The following DTD2 variants were observed in gnomAD, a reference collection of about 807,000 sequenced individuals.
DTD2 encodes D-aminoacyl-tRNA deacylase 2, also known as D-tyrosyl-tRNA deacylase 2 (putative).
Under a neutral mutation model 15.5 loss-of-function variants are expected in DTD2, and 12 were observed. The ratio of observed to expected loss-of-function variants is 0.77; its 90% CI spans 0.50 to 1.25. DTD2 has a LOEUF of 1.25. Among genes scored for constraint, DTD2 ranks in the 50% most tolerant of loss-of-function variants. The pLI is 0.00. For synonymous variants in DTD2, 59 were observed against 77.3 expected, an observed-to-expected ratio of 0.76 and a Z score of 1.24; for missense variants, 170 against 201.1, an observed-to-expected ratio of 0.85 and a Z score of 0.93.
In DTD2 at chr14:31,451,235, C is replaced by T. The variant is rs180797493; in HGVS notation, c.181+2040G>A. 2.5e-3 allele frequency among the ~76,000 whole-genome samples: 377 copies of T among 151,400 alleles called. 4 individuals are homozygous for T. Among genetic ancestry groups the T allele is most frequent in the East Asian group, 2.3e-3 (12 of 5,126 alleles). On this transcript the variant is annotated intron_variant, in intron 2 of 2. Coordinates refer to ENST00000310850, the MANE Select transcript of DTD2 (RefSeq NM_080664.3). ...TGATCTCGGCTCACTGCAAACTCCA[C>T]CTCCTGGGCTCATGCCATTCTCCTG...
chr14:31,449,519 G>A (rs1244024146), intron 2 of DTD2, among the ~76,000 whole-genome samples: 6 of 152,268 alleles, frequency 3.9e-5, no homozygotes, highest in African/African-American at 2.4e-5. Flanking sequence ...TGTAGCATTC[G>A]TGAGATTTCC....
intron 1 of DTD2, 177 bp downstream of exon 1, chr14:31,457,106 C>A: frequency 1.6e-6 from 1 of 606,528 alleles, no homozygotes; most frequent in East Asian, 3.0e-5. Flanking sequence ...TGATGCTGGA[C>A]CGAAAAGACA....
chr14:31,449,664 C>T (rs139772561), intron 2 of DTD2, among the ~76,000 whole-genome samples: 7 of 152,186 alleles, frequency 4.6e-5, no homozygotes, highest in African/African-American at 1.4e-4. Flanking sequence ...TATAAATAGA[C>T]CTAGGGTCTC....
rs1050453672 is a variant in DTD2, at chr14:31,446,723, C to T, written c.*1406G>A. ...AACATATAAATTTTGGGGACGGGAA[C>T]ATCTAGTCCAAAACATTCACTAACA... On this transcript the variant is annotated 3_prime_UTR_variant, in exon 3 of 3. Coordinates refer to ENST00000310850, the MANE Select transcript of DTD2 (RefSeq NM_080664.3). The T allele has an allele frequency of 1.3e-5, 2 of 152,188 alleles. No homozygotes were observed. The highest frequency in any genetic ancestry group is 4.8e-5 in the African/African-American group (2 of 41,448). The allele number at this position is 152,188 out of a possible 1,614,324, so 9.4% of individuals were successfully genotyped here.
intron 2 of DTD2, among the ~76,000 whole-genome samples, chr14:31,451,011 C>G (rs1427978401): frequency 6.6e-6 from 1 of 152,088 alleles, no homozygotes; most frequent in East Asian, 1.9e-4. Context: ...TTGAAGATTT[C>G]TACATTTTTT....
intron 1 of DTD2, among the ~76,000 whole-genome samples, chr14:31,454,314 T>C (rs1291495383): frequency 2.6e-5 from 4 of 152,250 alleles, no homozygotes; most frequent in African/African-American, 9.6e-5. Context: ...ACGATAGGGA[T>C]TCAGTTTATC....
intron 1 of DTD2, among the ~76,000 whole-genome samples, chr14:31,456,714 A>C (rs1217945257): frequency 2.0e-5 from 3 of 152,236 alleles, no homozygotes; most frequent in Non-Finnish European, 2.9e-5. Context: ...TAAATGTTTT[A>C]AATTCTTTGG....
At position 31,457,209 on chromosome 14, in the gene DTD2, C is replaced by G. The variant is rs536325409; in HGVS notation, c.111+74G>C. 4.2e-5 allele frequency: 57 copies of G among 1,342,388 alleles called. No individual in the cohort carries two copies. The African/African-American group carries it at 4.7e-4, about 11-fold the overall frequency. 83.2% of individuals were successfully genotyped at this position (1,342,388 alleles called of 1,614,324 possible). The stretch of plus-strand genomic sequence containing the variant: ...GTCTCAGAGGGAGACACAGAGCGGA[C>G]GAGTCACCGAGACAACGCGGAAAAA... On this transcript the variant is annotated intron_variant, in intron 1 of 2. Transcript: ENST00000310850.
rs2031982474 is a variant in DTD2 at position 31,448,043 on chromosome 14, A to G, written c.*86T>C. 3 of 1,151,328 alleles carry G rather than the reference A, an allele frequency of 2.6e-6. No homozygotes were observed. The highest frequency in any genetic ancestry group is 4.7e-5 in the Admixed American group (2 of 42,642). The allele number at this position is 1,151,328 out of a possible 1,614,324, so 71.3% of individuals were successfully genotyped here. On this transcript the variant is annotated 3_prime_UTR_variant, in exon 3 of 3. Coordinates refer to ENST00000310850, the MANE Select transcript of DTD2 (RefSeq NM_080664.3). ...CTGTCTAAAAATGCTGAAGATTAGT[A>G]TATTCAAGATTAAGGGGAAGAAAAT...
rs753906744 is a variant in DTD2 at position 31,457,421 on chromosome 14, G to C, written c.-28C>G. ...CTTAAGCCAGCGCCGCGGCCGGACA[G>C]TTACTAGGCCATGTGTCGCTGGCCC... On this transcript the variant is annotated 5_prime_UTR_variant, in exon 1 of 3. Transcript: ENST00000310850. 35 of 1,435,964 alleles carry C rather than the reference G, an allele frequency of 2.4e-5. 1 individual carries two copies. The highest frequency in any genetic ancestry group is 3.0e-5 in the Non-Finnish European group (32 of 1,083,434). 89.0% of individuals were successfully genotyped at this position (1,435,964 alleles called of 1,614,324 possible). A position where few individuals can be genotyped will look rare whatever the true frequency, so the allele number is the denominator to read the frequency against.
In DTD2 at chr14:31,448,365, G is replaced by A. The variant is rs368157537; in HGVS notation, c.271C>T (p.Pro91Ser). The change falls in exon 3 of 3, where the codon CCT becomes TCT. Residue 91 changes from proline to serine, a missense_variant. Transcript: ENST00000310850. ...LDLPGNILII[P>S]QATLGGRLKG... ...AGTCTTCCTCCAAGGGTAGCTTGAG[G>A]GATAATAAGAATGTTGCCAGGTAGA... is the stretch of plus-strand genomic sequence containing the variant. 6.2e-7 allele frequency: 1 copy of A among 1,614,146 alleles called. No homozygotes were observed. The highest frequency in any genetic ancestry group is 2.2e-5 in the East Asian group (1 of 44,868).
rs753012111 is a variant in DTD2 at position 31,448,099 on chromosome 14, A to G, written c.*30T>C. On this transcript the variant is annotated 3_prime_UTR_variant, in exon 3 of 3. Transcript: ENST00000310850. ...TATACTTTAGATCATTTCATACCAG[A>G]AAACAGCTATAGAAACTAGTTTTTC... is the stretch of plus-strand genomic sequence containing the variant. 3 of 1,523,668 alleles carry G rather than the reference A, an allele frequency of 2.0e-6. No homozygotes were observed. The highest frequency in any genetic ancestry group is 2.7e-6 in the Non-Finnish European group (3 of 1,122,928). The allele number at this position is 1,523,668 out of a possible 1,614,324, so 94.4% of individuals were successfully genotyped here.
chr14:31,457,129 C>A (rs953001064), intron 1 of DTD2, 154 bp downstream of exon 1: 2 of 663,228 alleles, frequency 3.0e-6, no homozygotes, highest in African/African-American at 1.9e-5. Context: ...CGCAGCCAGG[C>A]AGGCCACCGC....
chr14:31,448,678 C>T (rs1040799384), intron 2 of DTD2, among the ~76,000 whole-genome samples: 4 of 152,144 alleles, frequency 2.6e-5, no homozygotes, highest in Admixed American at 6.5e-5. Flanking sequence ...TATTTTAAAT[C>T]TGAATTGGCA....
rs770883432 is a variant in DTD2 at position 31,447,081 on chromosome 14, A to G, written c.*1048T>C. 1.8e-4 allele frequency: 27 copies of G among 152,290 alleles called. No homozygotes were observed. The highest frequency in any genetic ancestry group is 5.1e-4 in the African/African-American group (21 of 41,562). 9.4% of individuals were successfully genotyped at this position (152,290 alleles called of 1,614,324 possible). A position where few individuals can be genotyped will look rare whatever the true frequency, so the allele number is the denominator to read the frequency against. ...AAGTAAAGATTCTTAAAGTAATGTA[A>G]AACATTTGAATGTCCCTGGAAAGTA... On this transcript the variant is annotated 3_prime_UTR_variant, in exon 3 of 3. Transcript: ENST00000310850.
At chr14:31,453,097 C>T (rs1272545514) in intron 2 of DTD2, among the ~76,000 whole-genome samples, 178 bp downstream of exon 2, 1 of 151,980 alleles carries the variant, frequency 6.6e-6, no homozygotes, top group Admixed American at 6.6e-5. Flanking sequence ...GTCACCGTAC[C>T]CAGCTACTTT....
intron 2 of DTD2, chr14:31,452,818 C>T (rs539321886): frequency 1.3e-5 from 2 of 152,850 alleles, no homozygotes; most frequent in South Asian, 4.1e-4. Context: ...TAAAATATCA[C>T]TATGTATCCC....
intron 2 of DTD2, among the ~76,000 whole-genome samples, chr14:31,451,465 T>TC (rs2032034497): frequency 6.6e-6 from 1 of 152,040 alleles, no homozygotes; most frequent in African/African-American, 2.4e-5. Flanking sequence ...CTCTCTCTTT[T>TC]TTTTTCTTTC....
intron 2 of DTD2, among the ~76,000 whole-genome samples, chr14:31,450,492 C>G (rs993930981): frequency 1.3e-5 from 2 of 152,152 alleles, no homozygotes; most frequent in Non-Finnish European, 2.9e-5. Flanking sequence ...GCAGATTTAA[C>G]TGGTTATTAT....
Sources: gnomAD v4.1 joint callset for allele counts (sites outside exome capture counted in the v4.1 genomes callset) on GRCh38, gnomAD v4.1.1 for gene constraint, MANE v1.5 for transcripts, NCBI Gene and HGNC (gene_info 2026-07-23, HGNC 2026-07-21) for gene names.